Variants in KIF19 observed in about 807,000 individuals in gnomAD.
KIF19 encodes the protein kinesin-like protein KIF19.
KIF19 carries 98 observed loss-of-function variants against 106.6 expected under a neutral mutation model. The observed-to-expected ratio is 0.92, with a 90% CI of 0.78 to 1.09. The LOEUF is 1.09. Among genes scored for constraint, KIF19 ranks in the 50% least tolerant of loss-of-function variants. The probability of loss-of-function intolerance (pLI) is 0.00; values close to 1 mark genes in which losing one functional copy is unlikely to be tolerated. For synonymous variants in KIF19, 516 were observed against 584.2 expected (o/e 0.88, Z 1.68); for missense variants, 1,373 against 1,414.3 (o/e 0.97, Z 0.47).
At position 74,350,779 on chromosome 17, in the gene KIF19, C is replaced by G. The variant is rs73995260; in HGVS notation, c.1461C>G (p.Asp487Glu). 9.3e-6 allele frequency: 15 copies of G among 1,613,952 alleles called. No homozygotes were observed. In the African/African-American group the frequency reaches 1.7e-4, roughly 19 times the overall value. The change falls in exon 12 of 20, where the codon GAC (aspartate) becomes GAG (glutamate). Residue 487 changes from aspartate (D) to glutamate (E), a missense_variant. Physicochemically the swap from Asp to Glu is conservative, Grantham distance 45. Coordinates refer to ENST00000389916, the MANE Select transcript of KIF19 (RefSeq NM_153209.4). ...EEQRKECYAK[D>E]DSEKDSDTGD... Reference sequence around the variant, plus strand: ...AGCGAAAGGAGTGCTACGCTAAGGACGACAGCGAGAAGGACTCAGACACAG... The same window carrying G: ...AGCGAAAGGAGTGCTACGCTAAGGAGGACAGCGAGAAGGACTCAGACACAG...
At chr17:74,347,469 GGAGGTTGCAGT>G (rs1185104567) in intron 8 of KIF19, among the ~76,000 whole-genome samples, 13 of 151,880 alleles carry the variant, frequency 8.6e-5, no homozygotes, top group Non-Finnish European at 1.5e-4. Context: ...CCTGGGAGGT[GGAGGTTGCAGT>G]GAGCTGAGAC....
At chr17:74,347,976 C>G in intron 9 of KIF19, 77 bp downstream of exon 9, 1 of 1,486,376 alleles carries the variant, frequency 6.7e-7, no homozygotes, top group South Asian at 1.2e-5. Context: ...TCCCTGCCAC[C>G]CCACTGCACT....
intron 5 of KIF19, among the ~76,000 whole-genome samples, chr17:74,343,493 G>A (rs2054442969): frequency 1.3e-5 from 2 of 152,210 alleles, no homozygotes. Context: ...TGTGTATGTG[G>A]GTACAGTGAA....
At chr17:74,335,764 A>G (rs138100821) in intron 2 of KIF19, among the ~76,000 whole-genome samples, 150 of 152,334 alleles carry the variant, frequency 9.8e-4, no homozygotes, top group African/African-American at 3.5e-3. Context: ...AGAGACAGGC[A>G]CCCAGTATGA....
chr17:74,327,199 G>A (rs781486918), intron 1 of KIF19, among the ~76,000 whole-genome samples: 1 of 152,202 alleles, frequency 6.6e-6, no homozygotes, highest in Non-Finnish European at 1.5e-5. Flanking sequence ...GTAACTGGAG[G>A]ATAATGTTGC....
intron 9 of KIF19, 111 bp from the exon 10 acceptor site, chr17:74,349,073 G>A (rs2054613050): frequency 2.8e-6 from 3 of 1,070,012 alleles, no homozygotes; most frequent in Non-Finnish European, 4.1e-6. Flanking sequence ...GGCCATTACT[G>A]TCACCCAGAA....
In KIF19 at chr17:74,326,385, C is replaced by T; in HGVS notation, c.36C>T (p.Leu12=). ...GCGGGGACTCCAAGGACCAGCAACT[C>T]ATGGTGAGACCCTTTTAGACCCTCC... ...KDSGDSKDQQ[L]MVALRVRPIS... Residue 12 remains leucine, a synonymous_variant, in exon 1 of 20, where the codon CTC becomes CTT. Coordinates refer to ENST00000389916, the MANE Select transcript of KIF19 (RefSeq NM_153209.4). 6.2e-7 allele frequency: 1 copy of T among 1,612,904 alleles called. No homozygotes were observed.
At chr17:74,352,569 T>A (rs2054745714) in intron 14 of KIF19, among the ~76,000 whole-genome samples, 1 of 152,076 alleles carries the variant, frequency 6.6e-6, no homozygotes, top group South Asian at 2.1e-4. Flanking sequence ...GGTCTGAGGG[T>A]CAGGGCTGGC....
At chr17:74,333,361 A>T (rs913861436) in intron 2 of KIF19, among the ~76,000 whole-genome samples, 148 of 129,484 alleles carry the variant, frequency 1.1e-3, no homozygotes, top group Non-Finnish European at 1.8e-3. Context: ...TGTGGTCCTA[A>T]TTTTTTTTTT....
rs543286637 is a variant in KIF19 at position 74,346,514 on chromosome 17, G to A, written c.914G>A (p.Arg305Gln). The A allele has an allele frequency of 6.3e-5, 97 of 1,550,942 alleles. No individual in the cohort carries two copies. Among genetic ancestry groups the A allele is most frequent in the South Asian group, 2.4e-4 (20 of 84,048 alleles). ...AACTATCGCGACAGCAAGCTCACCCGGCTCCTGAAGGTACCAGCCACAGCT... is the reference window on the plus strand; with the variant it reads ...AACTATCGCGACAGCAAGCTCACCCAGCTCCTGAAGGTACCAGCCACAGCT... ...YINYRDSKLT[R>Q]LLKDSLGGNS... is the part of the protein sequence containing the mutation. Residue 305 changes from arginine to glutamine, a missense_variant, in exon 8 of 20, where the codon CGG (arginine) becomes CAG (glutamine). By Grantham distance (43) the Arg-to-Gln change is conservative. Coordinates refer to ENST00000389916, the MANE Select transcript of KIF19 (RefSeq NM_153209.4). The surrounding 1 kb of genome is among the most constrained non-coding windows in gnomAD (Gnocchi z 4.6).
chr17:74,328,171 G>A lies in KIF19; in HGVS notation c.40-254G>A, dbSNP rs112186026. 9.2e-3 allele frequency among the ~76,000 whole-genome samples: 1,401 copies of A among 152,292 alleles called. 26 individuals are homozygous for A. The highest frequency in any genetic ancestry group is 0.032 in the African/African-American group (1,326 of 41,548). On this transcript the variant is annotated intron_variant, in intron 1 of 19. Coordinates refer to ENST00000389916, the MANE Select transcript of KIF19 (RefSeq NM_153209.4). ...TGTTTTATTTGGGCGTGAGGCTGAG[G>A]CAGGCTGGAGGAGCAGACAGCTCTC...
At chr17:74,343,234 G>A in intron 5 of KIF19, 74 bp downstream of exon 5, 1 of 1,490,848 alleles carries the variant, frequency 6.7e-7, no homozygotes, top group Non-Finnish European at 9.1e-7. Context: ...GCTTCCCGGG[G>A]CGCTCATCAC....
At chr17:74,327,545 G>A (rs1356640662) in intron 1 of KIF19, among the ~76,000 whole-genome samples, 5 of 152,256 alleles carry the variant, frequency 3.3e-5, no homozygotes, top group South Asian at 2.1e-4. Context: ...GAAGTGGTGC[G>A]ATCTCAGCTC....
Position 74,346,378 on chromosome 17 carries a change from A to C in KIF19, c.778A>C (p.Thr260Pro). 6.4e-7 allele frequency: 1 copy of C among 1,572,284 alleles called. No individual in the cohort carries two copies. The highest frequency in any genetic ancestry group is 8.6e-7 in the Non-Finnish European group (1 of 1,158,978). ...CGTGTGCCCTTTGCTCGCCCCCTAG[A>C]CACAGAATCGTGGGCAGCGTATGAA... is the stretch of plus-strand genomic sequence containing the variant. Reference protein sequence around the residue: ...DLAGSERASQTQNRGQRMKEG... With the variant: ...DLAGSERASQPQNRGQRMKEG... Residue 260 changes from threonine to proline, a missense_variant and splice_region_variant, in exon 8 of 20, where the codon ACA becomes CCA. Thr to Pro is a conservative substitution (Grantham distance 38). Transcript: ENST00000389916. This position sits in a 1 kb window ranked among gnomAD's most constrained non-coding sequence, Gnocchi z 4.6.
Position 74,331,881 on chromosome 17 carries a change from T to G in KIF19, c.120+3376T>G, listed in dbSNP as rs2054091725. ...TGTGAGCCACTGTGCCCAGCCGGTT[T>G]GGATTTTTAATGGGGATAGTCCAGT... On this transcript the variant is annotated intron_variant, in intron 2 of 19. Transcript: ENST00000389916. This position sits in a 1 kb window ranked among gnomAD's most constrained non-coding sequence, Gnocchi z 4.1. Among the ~76,000 whole-genome samples the G allele has an allele frequency of 6.6e-6, 1 of 152,054 alleles. No individual in the cohort carries two copies.
intron 10 of KIF19, among the ~76,000 whole-genome samples, chr17:74,349,607 G>A (rs2054636486): frequency 6.6e-6 from 1 of 152,246 alleles, no homozygotes; most frequent in Non-Finnish European, 1.5e-5. Context: ...ACGAGGGAGA[G>A]GCACGTGAGC....
chr17:74,350,446 G>T lies in KIF19; in HGVS notation c.1259G>T (p.Gly420Val). 4 of 1,608,998 alleles carry T rather than the reference G, an allele frequency of 2.5e-6. No individual in the cohort carries two copies. Among genetic ancestry groups the T allele is most frequent in the Non-Finnish European group, 3.4e-6 (4 of 1,178,538 alleles). Residue 420 changes from glycine (G) to valine (V), a missense_variant, in exon 11 of 20, where the codon GGA (glycine) becomes GTA (valine). Coordinates refer to ENST00000389916, the MANE Select transcript of KIF19 (RefSeq NM_153209.4). ...GGGCAGGGTGAGAAGGCTGGCATGG[G>T]ACAGCTTCGGGAGCAGCTCGCCAGC... Reference protein sequence around the residue: ...HSGQGEKAGMGQLREQLASAF... With the variant: ...HSGQGEKAGMVQLREQLASAF...
rs760430870 is a variant in KIF19, at chr17:74,342,493, AC to A, written c.232-131del. 3.2e-4 allele frequency: 193 copies of A among 601,292 alleles called. 1 individual carries two copies. Among genetic ancestry groups the A allele is most frequent in the East Asian group, 7.2e-4 (23 of 32,070 alleles). 37.2% of individuals were successfully genotyped at this position (601,292 alleles called of 1,614,324 possible). A position where few individuals can be genotyped will look rare whatever the true frequency, so the allele number is the denominator to read the frequency against. On this transcript the variant is annotated intron_variant, in intron 3 of 19. Transcript: ENST00000389916. The stretch of plus-strand genomic sequence containing the variant: ...TGTAAGCAGAGACATCCCCTCCCCC[AC>A]CCCCCACCCCCACTTATCTTGGGGC...
Position 74,346,415 on chromosome 17 carries a change from A to C in KIF19, c.815A>C (p.His272Pro), listed in dbSNP as rs773210083. ...GGGCAGCGTATGAAGGAGGGGGCCC[A>C]CATCAACCGCTCACTGCTGGCACTG... ...NRGQRMKEGAHINRSLLALGN... is the reference protein window; with the variant it reads ...NRGQRMKEGAPINRSLLALGN... The change falls in exon 8 of 20, where the codon CAC (histidine) becomes CCC (proline). Residue 272 changes from histidine (H) to proline (P), a missense_variant. His to Pro is a moderately conservative substitution (Grantham distance 77). Around this residue, in one of 3 missense-constraint regions of KIF19, gnomAD observed 348 missense variants for 389.5 expected, o/e 0.89. Coordinates refer to ENST00000389916, the MANE Select transcript of KIF19 (RefSeq NM_153209.4). This position sits in a 1 kb window ranked among gnomAD's most constrained non-coding sequence, Gnocchi z 4.6. 1 of 1,574,562 alleles carries C rather than the reference A, an allele frequency of 6.4e-7. No homozygotes were observed. Among genetic ancestry groups the C allele is most frequent in the African/African-American group, 1.4e-5 (1 of 73,666 alleles).
Sources: gnomAD v4.1 joint callset for allele counts (sites outside exome capture counted in the v4.1 genomes callset) on GRCh38, gnomAD v4.1.1 for gene constraint, gnomAD v4.1.1 regional missense constraint, Gnocchi (gnomAD v3.1) non-coding constraint, MANE v1.5 for transcripts, NCBI Gene and HGNC (gene_info 2026-07-23, HGNC 2026-07-21) for gene names.